Variants in TXLNG observed in about 807,000 individuals in gnomAD.
The protein encoded by TXLNG is taxilin gamma, also known as gamma-taxilin.
Under a neutral mutation model 38.8 loss-of-function variants are expected in TXLNG, and 5 were observed. That is an observed-to-expected ratio of 0.13 (90% CI 0.07 to 0.27). The LOEUF is 0.27. Among genes scored for constraint, TXLNG ranks in the 10% least tolerant of loss-of-function variants. The pLI is 1.00. For missense variants in TXLNG, 393 were observed against 398.2 expected, an observed-to-expected ratio of 0.99 and a Z score of 0.11; for synonymous variants, 182 against 158.2, an observed-to-expected ratio of 1.15 and a Z score of -1.13.
At chrX:16,823,165 C>T (rs760375900) in intron 3 of TXLNG, among the ~76,000 whole-genome samples, 2 of 111,075 alleles carry the variant, frequency 1.8e-5, no homozygotes, top group East Asian at 2.8e-4. Context: ...TGAAGCAACA[C>T]ATATTTCACT....
intron 3 of TXLNG, 58 bp from the exon 4 acceptor site, chrX:16,828,036 G>C: frequency 3.7e-6 from 4 of 1,068,683 alleles, no homozygotes; most frequent in South Asian, 4.8e-5. Context: ...TATAATTCTA[G>C]CCATAACTGT....
chrX:16,841,060 TGG>T (rs1929793942), intron 9 of TXLNG, among the ~76,000 whole-genome samples: 2 of 109,610 alleles, frequency 1.8e-5, no homozygotes, highest in African/African-American at 6.7e-5. Context: ...CTGGGCGTGG[TGG>T]GGCGCGCCTG....
At chrX:16,802,254 C>CTTTT (rs549410933) in intron 1 of TXLNG, among the ~76,000 whole-genome samples, 1 of 86,103 alleles carries the variant, frequency 1.2e-5, no homozygotes, top group South Asian at 6.2e-4. Context: ...CGCACCTGGC[C>CTTTT]TTTTTTTTTT....
intron 3 of TXLNG, among the ~76,000 whole-genome samples, chrX:16,823,067 G>A (rs1000951964): frequency 8.9e-6 from 1 of 111,871 alleles, no homozygotes; most frequent in Non-Finnish European, 1.9e-5. Context: ...TGCCTAGTGA[G>A]TAATCTCTCT....
At chrX:16,790,291 C>T (rs773244754) in intron 1 of TXLNG, among the ~76,000 whole-genome samples, 1 of 111,549 alleles carries the variant, frequency 9.0e-6, no homozygotes, top group African/African-American at 3.3e-5. Flanking sequence ...AAGAGTTTCA[C>T]AGTCCTATAA....
At chrX:16,826,057 T>A (rs1261667418) in intron 3 of TXLNG, among the ~76,000 whole-genome samples, 1 of 111,908 alleles carries the variant, frequency 8.9e-6, no homozygotes, top group African/African-American at 3.3e-5. Flanking sequence ...ATTTTTTTTT[T>A]AGAGAAGTGC....
chrX:16,829,372 T>C (rs1020059215), intron 4 of TXLNG, among the ~76,000 whole-genome samples: 5 of 111,353 alleles, frequency 4.5e-5, no homozygotes, highest in Non-Finnish European at 9.4e-5. Flanking sequence ...CAGGACAGTT[T>C]GCATCTCTCT....
chrX:16,829,806 G>A, intron 5 of TXLNG, 36 bp downstream of exon 5: 1 of 1,172,787 alleles, frequency 8.5e-7, no homozygotes, highest in Non-Finnish European at 1.2e-6. Context: ...GGCTTCTCAA[G>A]ATTAGCAAAA....
intron 9 of TXLNG, 78 bp from the exon 10 acceptor site, chrX:16,841,350 T>C (rs1317243202): frequency 2.2e-6 from 2 of 927,011 alleles, no homozygotes; most frequent in African/African-American, 2.0e-5. Context: ...AAGTGTCCAA[T>C]ATGGCTGAGC....
Position 16,837,578 on chromosome X carries a change from C to A in TXLNG, c.1060-15C>A, listed in dbSNP as rs768082578. On this transcript the variant is annotated splice_polypyrimidine_tract_variant and intron_variant, in intron 7 of 9. Transcript: ENST00000380122. ...TGCATGGAACTCAGAATGTTTCATA[C>A]TTTTTTTCCTATAGCTTTCTCTTTA... The A allele has an allele frequency of 3.4e-6, 4 of 1,163,474 alleles. No homozygotes were observed. In the Admixed American group the frequency reaches 9.7e-5, roughly 28 times the overall value.
chrX:16,791,710 C>T (rs918982993), intron 1 of TXLNG, among the ~76,000 whole-genome samples: 1 of 111,490 alleles, frequency 9.0e-6, no homozygotes, highest in Non-Finnish European at 1.9e-5. Context: ...ATCAGCCTCC[C>T]GAGTAGCTGA....
At chrX:16,792,979 C>T (rs745412576) in intron 1 of TXLNG, among the ~76,000 whole-genome samples, 1 of 107,679 alleles carries the variant, frequency 9.3e-6, no homozygotes, top group Non-Finnish European at 1.9e-5. Context: ...TGCCTGTAAT[C>T]CCAGCTACTC....
intron 1 of TXLNG, among the ~76,000 whole-genome samples, chrX:16,812,480 G>A (rs1928559587): frequency 9.9e-6 from 1 of 101,173 alleles, no homozygotes; most frequent in South Asian, 4.7e-4. Flanking sequence ...TGCAACCTCC[G>A]CCTCCCAGGT....
At chrX:16,836,402 G>T (rs1037722734) in intron 7 of TXLNG, among the ~76,000 whole-genome samples, 14 of 112,564 alleles carry the variant, frequency 1.2e-4, no homozygotes, top group African/African-American at 4.5e-4. Context: ...AATCCTGTGT[G>T]TTCTCCAGGT....
In TXLNG at chrX:16,834,376, A is replaced by G; in HGVS notation, c.1059+19A>G. 1 of 1,165,069 alleles carries G rather than the reference A, an allele frequency of 8.6e-7. No individual in the cohort carries two copies. The highest frequency in any genetic ancestry group is 1.2e-6 in the Non-Finnish European group (1 of 861,308). On this transcript the variant is annotated intron_variant, in intron 7 of 9. Transcript: ENST00000380122. ...ACAGCAGGTAACTTCACAGCAGGGG[A>G]TAGTACAATTTGTAAGAAAAATCTG...
rs73207146 is a variant in TXLNG at position 16,841,388 on chromosome X, A to G, written c.1249-40A>G. The G allele has an allele frequency of 7.5e-3, 8,486 of 1,131,543 alleles. 29 individuals are homozygous for G. Among genetic ancestry groups the G allele is most frequent in the Non-Finnish European group, 9.2e-3 (7,803 of 846,216 alleles). 93.3% of individuals were successfully genotyped at this position (1,131,543 alleles called of 1,213,427 possible). A position where few individuals can be genotyped will look rare whatever the true frequency, so the allele number is the denominator to read the frequency against. On this transcript the variant is annotated intron_variant, in intron 9 of 9. Coordinates refer to ENST00000380122, the MANE Select transcript of TXLNG (RefSeq NM_018360.3). Reference sequence around the variant, plus strand: ...GCTTAATTTTTTTGTAACCTGATTGATATTTAACAGGGTTACAGAAATCCT... The same window carrying G: ...GCTTAATTTTTTTGTAACCTGATTGGTATTTAACAGGGTTACAGAAATCCT...
At chrX:16,797,871 C>T (rs2147462600) in intron 1 of TXLNG, among the ~76,000 whole-genome samples, 1 of 112,584 alleles carries the variant, frequency 8.9e-6, no homozygotes, top group East Asian at 2.8e-4. Context: ...AGCTGATTTT[C>T]CAAAATGTTA....
chrX:16,812,009 C>CT lies in TXLNG; in HGVS notation c.103-6553dup, dbSNP rs1182502888. Among the ~76,000 whole-genome samples, 552 of 100,756 alleles carry CT rather than the reference C, an allele frequency of 5.5e-3. 2 individuals are homozygous for CT. Among genetic ancestry groups the CT allele is most frequent in the Middle Eastern group, 0.025 (5 of 197 alleles). 87.5% of individuals were successfully genotyped at this position (100,756 alleles called of 115,157 possible). On this transcript the variant is annotated intron_variant, in intron 1 of 9. Coordinates refer to ENST00000380122, the MANE Select transcript of TXLNG (RefSeq NM_018360.3). ...ATGACCTGTATACTTTTTTTTCTTTCTTTTTTTTTTTTGAGATGTAGTCTT... is the reference window on the plus strand; with the variant it reads ...ATGACCTGTATACTTTTTTTTCTTTCTTTTTTTTTTTTTGAGATGTAGTCTT...
At chrX:16,801,827 A>G (rs941306396) in intron 1 of TXLNG, among the ~76,000 whole-genome samples, 1 of 110,788 alleles carries the variant, frequency 9.0e-6, no homozygotes, top group African/African-American at 3.3e-5. Context: ...ACCGTGTGAC[A>G]GTAATAAAAA....
Sources: gnomAD v4.1 joint callset for allele counts (sites outside exome capture counted in the v4.1 genomes callset) on GRCh38, gnomAD v4.1.1 for gene constraint, MANE v1.5 for transcripts, NCBI Gene and HGNC (gene_info 2026-07-23, HGNC 2026-07-21) for gene names.